The following TRAPPC9 variants were observed in gnomAD, a reference collection of about 807,000 sequenced individuals.
TRAPPC9 encodes the protein IKK2 binding protein.
TRAPPC9 carries 83 observed loss-of-function variants against 124.0 expected under a neutral mutation model. The ratio of observed to expected loss-of-function variants is 0.67; its 90% CI spans 0.56 to 0.80. The LOEUF is 0.80. TRAPPC9 is among the 30% of genes least tolerant of loss of function. TRAPPC9 has a pLI of 0.00. For missense variants in TRAPPC9, 1,302 were observed against 1,508.3 expected (o/e 0.86, Z 2.27); for synonymous variants, 638 against 617.5 (o/e 1.03, Z -0.49).
At chr8:139,843,201 C>A (rs1246554823) in intron 21 of TRAPPC9, among the ~76,000 whole-genome samples, 1 of 152,228 alleles carries the variant, frequency 6.6e-6, no homozygotes, top group Non-Finnish European at 1.5e-5. Context: ...AATAAACAGT[C>A]ATGTGAGGTA....
chr8:139,779,881 G>T (rs1821676089), intron 21 of TRAPPC9, among the ~76,000 whole-genome samples: 2 of 152,058 alleles, frequency 1.3e-5, no homozygotes, highest in South Asian at 4.1e-4. Flanking sequence ...TACCAGCAAT[G>T]AACAAGTCAA....
At chr8:139,830,461 CAT>C (rs935137284) in intron 21 of TRAPPC9, among the ~76,000 whole-genome samples, 1 of 152,026 alleles carries the variant, frequency 6.6e-6, no homozygotes, top group Non-Finnish European at 1.5e-5. Context: ...ACGCTACACA[CAT>C]ACACATAAAC....
intron 18 of TRAPPC9, among the ~76,000 whole-genome samples, chr8:139,990,488 A>T (rs920692987): frequency 5.3e-5 from 8 of 152,162 alleles, no homozygotes; most frequent in Middle Eastern, 3.2e-3. Context: ...CACAAGTAGG[A>T]CTTTGTCAAA....
chr8:140,111,001 C>T (rs1379140885), intron 17 of TRAPPC9, among the ~76,000 whole-genome samples: 1 of 137,324 alleles, frequency 7.3e-6, no homozygotes, highest in African/African-American at 2.8e-5. Flanking sequence ...TGGGTAACTG[C>T]TTCCTCTTGT....
intron 21 of TRAPPC9, among the ~76,000 whole-genome samples, chr8:139,766,645 A>G (rs909594694): frequency 1.3e-5 from 2 of 152,184 alleles, no homozygotes; most frequent in Non-Finnish European, 2.9e-5. Context: ...CCTAACCGGC[A>G]TCACGTGGGG....
intron 9 of TRAPPC9, among the ~76,000 whole-genome samples, chr8:140,339,387 G>T (rs577657718): frequency 6.6e-6 from 1 of 152,046 alleles, no homozygotes; most frequent in Non-Finnish European, 1.5e-5. Context: ...AATACTAATC[G>T]GCTTGAAATT....
At chr8:139,940,250 T>A (rs1445293671) in intron 19 of TRAPPC9, among the ~76,000 whole-genome samples, 2 of 152,222 alleles carry the variant, frequency 1.3e-5, no homozygotes, top group Non-Finnish European at 2.9e-5. Context: ...CAAGTTTTTC[T>A]TAATACATCT....
chr8:140,348,440 C>G (rs1348029302), intron 9 of TRAPPC9, among the ~76,000 whole-genome samples: 1 of 152,154 alleles, frequency 6.6e-6, no homozygotes, highest in South Asian at 2.1e-4. Flanking sequence ...AGCCCTGCTG[C>G]TGGCTGCATC....
At chr8:140,357,805 GC>G (rs2067799345) in intron 9 of TRAPPC9, among the ~76,000 whole-genome samples, 1 of 152,164 alleles carries the variant, frequency 6.6e-6, no homozygotes, top group South Asian at 2.1e-4. Context: ...TTCCACGGTG[GC>G]CCTGCTGGCC....
chr8:139,830,237 C>T (rs1586937831), intron 21 of TRAPPC9, among the ~76,000 whole-genome samples: 2 of 151,352 alleles, frequency 1.3e-5, no homozygotes, highest in East Asian at 1.9e-4. Flanking sequence ...CATACACATG[C>T]ACACACACAC....
rs113210112 is a variant in TRAPPC9, at chr8:140,420,450, C to T, written c.886+6165G>A. On this transcript the variant is annotated intron_variant, in intron 5 of 22. Coordinates refer to ENST00000438773, the MANE Select transcript of TRAPPC9 (RefSeq NM_001160372.4). ...GAAAAGAACAAATTCAGAAGACTTA[C>T]ACTTCCCAATTTCAAAATTTACTAC... Among the ~76,000 whole-genome samples, 1,173 of 152,258 alleles carry T rather than the reference C, an allele frequency of 7.7e-3. 10 individuals carry two copies. The highest frequency in any genetic ancestry group is 0.01 in the Non-Finnish European group (689 of 68,016).
chr8:139,890,837 A>G (rs2131151737), intron 20 of TRAPPC9, among the ~76,000 whole-genome samples: 1 of 152,196 alleles, frequency 6.6e-6, no homozygotes, highest in East Asian at 1.9e-4. Flanking sequence ...CCTAAAACTT[A>G]AAGTATAATA....
chr8:140,377,564 G>A (rs36125887), intron 7 of TRAPPC9, among the ~76,000 whole-genome samples: 62,076 of 152,024 alleles, frequency 0.41, 13,005 homozygotes, highest in East Asian at 0.55. Flanking sequence ...CAAAGTGCTG[G>A]GATTACAGGC....
At chr8:140,319,261 C>T (rs2066526787) in intron 9 of TRAPPC9, among the ~76,000 whole-genome samples, 2 of 148,346 alleles carry the variant, frequency 1.3e-5, no homozygotes, top group South Asian at 2.2e-4. Flanking sequence ...CTGCAAGCTC[C>T]GCCTCCCGGG....
intron 16 of TRAPPC9, among the ~76,000 whole-genome samples, chr8:140,248,568 T>A (rs1001528297): frequency 7.9e-5 from 12 of 152,378 alleles, no homozygotes; most frequent in African/African-American, 2.9e-4. Context: ...GGTTTTGCTA[T>A]ATATTTTTGC....
chr8:139,791,691 G>A (rs1472417954), intron 21 of TRAPPC9, among the ~76,000 whole-genome samples: 2 of 152,202 alleles, frequency 1.3e-5, no homozygotes, highest in African/African-American at 2.4e-5. Context: ...ATGGATTGGC[G>A]CTACAGTCAA....
chr8:139,755,245 G>A (rs551114864), intron 21 of TRAPPC9, among the ~76,000 whole-genome samples: 1 of 152,408 alleles, frequency 6.6e-6, no homozygotes, highest in African/African-American at 2.4e-5. Flanking sequence ...CAGACCTGTG[G>A]AGAAGCCAGC....
intron 5 of TRAPPC9, among the ~76,000 whole-genome samples, chr8:140,417,608 T>C (rs1302257329): frequency 6.6e-6 from 1 of 152,236 alleles, no homozygotes; most frequent in Non-Finnish European, 1.5e-5. Flanking sequence ...TTTATACTGT[T>C]GGTGGGAGTG....
chr8:140,368,417 A>G (rs1048830478), intron 8 of TRAPPC9, among the ~76,000 whole-genome samples: 1 of 152,206 alleles, frequency 6.6e-6, no homozygotes, highest in African/African-American at 2.4e-5. Flanking sequence ...CAGAGTGGTC[A>G]TCAGCGCTCC....
Sources: gnomAD v4.1 joint callset for allele counts (sites outside exome capture counted in the v4.1 genomes callset) on GRCh38, gnomAD v4.1.1 for gene constraint, MANE v1.5 for transcripts, NCBI Gene and HGNC (gene_info 2026-07-23, HGNC 2026-07-21) for gene names.